DCC: variants seen among roughly 807,000 people sequenced by gnomAD.
The protein encoded by DCC is DCC netrin 1 receptor.
In DCC, 58 loss-of-function variants were observed where a neutral mutation model predicts 172.5. That is an observed-to-expected ratio of 0.34 (90% CI 0.27 to 0.42). The LOEUF is 0.42. Among genes scored for constraint, DCC ranks in the 10% least tolerant of loss-of-function variants. The probability of loss-of-function intolerance (pLI) is 1.00; values close to 1 mark genes in which losing one functional copy is unlikely to be tolerated. For missense variants in DCC, 1,740 were observed against 1,791.0 expected (o/e 0.97, Z 0.51); for synonymous variants, 709 against 644.5 (o/e 1.10, Z -1.52).
intron 1 of DCC, among the ~76,000 whole-genome samples, chr18:52,636,147 G>T (rs1446661277): frequency 6.6e-6 from 1 of 152,196 alleles, no homozygotes; most frequent in Non-Finnish European, 1.5e-5. Context: ...AATTAGGAGA[G>T]CCAAGGGAAA....
At chr18:52,975,599 C>T (rs2041104642) in intron 5 of DCC, among the ~76,000 whole-genome samples, 1 of 152,082 alleles carries the variant, frequency 6.6e-6, no homozygotes, top group African/African-American at 2.4e-5. Flanking sequence ...TTATAGGTGA[C>T]AACATGTGGT....
At chr18:53,148,324 G>A (rs34642579) in intron 7 of DCC, among the ~76,000 whole-genome samples, 2,735 of 152,308 alleles carry the variant, frequency 0.018, 50 homozygotes, top group East Asian at 0.11. Flanking sequence ...CATGAAGGGT[G>A]GGAGGGGAGC....
At position 53,205,483 on chromosome 18, in the gene DCC, C is replaced by T. The variant is rs73957103; in HGVS notation, c.1722+119C>T. ...AACTCTTGAAACAGCCCAGTGTTAA[C>T]ACATTCATTGAAAAGCTGATTAGTT... On this transcript the variant is annotated intron_variant, in intron 10 of 28. Transcript: ENST00000442544. 4,885 of 950,072 alleles carry T rather than the reference C, an allele frequency of 5.1e-3. 175 individuals are homozygous for T. The African/African-American group carries it at 0.07, about 14-fold the overall frequency. The allele number at this position is 950,072 out of a possible 1,614,324, so 58.9% of individuals were successfully genotyped here.
intron 2 of DCC, among the ~76,000 whole-genome samples, chr18:52,797,136 T>C (rs186982255): frequency 1.4e-3 from 211 of 152,306 alleles, no homozygotes; most frequent in African/African-American, 4.4e-3. Context: ...TATCTGTTTC[T>C]TTTTTGAATT....
intron 7 of DCC, among the ~76,000 whole-genome samples, chr18:53,150,314 T>C (rs2043979380): frequency 6.6e-6 from 1 of 152,222 alleles, no homozygotes; most frequent in South Asian, 2.1e-4. Context: ...AAGCAACCAC[T>C]GTACAGAGTT....
intron 9 of DCC, among the ~76,000 whole-genome samples, chr18:53,188,861 A>G (rs2055325638): frequency 6.6e-6 from 1 of 152,004 alleles, no homozygotes; most frequent in African/African-American, 2.4e-5. Context: ...CTCTGCCTGC[A>G]TCTCCACATG....
chr18:53,453,263 C>A (rs1211851357), intron 23 of DCC, among the ~76,000 whole-genome samples: 1 of 152,144 alleles, frequency 6.6e-6, no homozygotes, highest in Non-Finnish European at 1.5e-5. Context: ...ACCGCTACTC[C>A]TCTGCATCAC....
At chr18:52,820,239 A>G (rs992106279) in intron 2 of DCC, among the ~76,000 whole-genome samples, 3 of 152,182 alleles carry the variant, frequency 2.0e-5, no homozygotes, top group African/African-American at 7.2e-5. Context: ...GCCAAGTTCC[A>G]GGAATACATA....
intron 15 of DCC, among the ~76,000 whole-genome samples, chr18:53,375,616 CTTTT>C (rs1555660824): frequency 4.9e-5 from 6 of 123,074 alleles, no homozygotes; most frequent in Non-Finnish European, 6.5e-5. Flanking sequence ...ATATTTAATT[CTTTT>C]TTTTTTTTTT....
rs527375309 is a variant in DCC, at chr18:53,286,716, T to G, written c.1912-18862T>G. On this transcript the variant is annotated intron_variant, in intron 12 of 28. Transcript: ENST00000442544. The stretch of plus-strand genomic sequence containing the variant: ...CGCCATTGCTGTCTTCAAATATTTG[T>G]GAGTACCACGCTTACAGGGCATCAT... Among the ~76,000 whole-genome samples the G allele has an allele frequency of 4.9e-4, 74 of 152,272 alleles. 1 individual carries two copies. Among genetic ancestry groups the G allele is most frequent in the Non-Finnish European group, 8.1e-4 (55 of 68,032 alleles).
intron 2 of DCC, among the ~76,000 whole-genome samples, chr18:52,794,252 A>T (rs7232287): frequency 0.74 from 112,839 of 151,966 alleles, 42,662 homozygotes; most frequent in East Asian, 0.91. Flanking sequence ...TGGCATTGGG[A>T]AGGATGGCTA....
intron 7 of DCC, among the ~76,000 whole-genome samples, chr18:53,133,356 G>GA (rs1297517687): frequency 6.6e-6 from 1 of 152,134 alleles, no homozygotes; most frequent in Non-Finnish European, 1.5e-5. Context: ...GATTTTAATG[G>GA]AAAATCCAAG....
rs2057159961 is a variant in DCC at position 53,303,120 on chromosome 18, GA to G, written c.1912-2456del. ...TCTCCTCAGGGGTGTTGGAAATTGA[GA>G]ACCAAATCTCTAATTTGTTACCTTT... On this transcript the variant is annotated intron_variant, in intron 12 of 28. Transcript: ENST00000442544. Among the ~76,000 whole-genome samples the G allele has an allele frequency of 2.6e-5, 4 of 152,076 alleles. No individual in the cohort carries two copies. The South Asian group carries it at 8.3e-4, about 32-fold the overall frequency.
chr18:53,132,425 A>G (rs111991550), intron 7 of DCC, among the ~76,000 whole-genome samples: 1 of 152,060 alleles, frequency 6.6e-6, no homozygotes, highest in African/African-American at 2.4e-5. Context: ...TCATCTAGAA[A>G]GACATGGGGA....
chr18:52,737,389 TG>T (rs1331423028), intron 1 of DCC, among the ~76,000 whole-genome samples: 1 of 152,062 alleles, frequency 6.6e-6, no homozygotes, highest in African/African-American at 2.4e-5. Flanking sequence ...AACAGCAGAG[TG>T]GGCTAGACTG....
intron 1 of DCC, among the ~76,000 whole-genome samples, chr18:52,616,928 A>T (rs1048575219): frequency 5.3e-5 from 8 of 152,192 alleles, no homozygotes; most frequent in Non-Finnish European, 7.4e-5. Flanking sequence ...AATGAGATGC[A>T]TAAAGGTAAT....
chr18:52,681,002 A>G (rs1252917206), intron 1 of DCC, among the ~76,000 whole-genome samples: 1 of 152,116 alleles, frequency 6.6e-6, no homozygotes, highest in Non-Finnish European at 1.5e-5. Flanking sequence ...TTCCTTCTGA[A>G]ACTGTTAGTA....
At chr18:53,174,760 A>G (rs7505192) in intron 8 of DCC, among the ~76,000 whole-genome samples, 63,260 of 141,036 alleles carry the variant, frequency 0.45, 14,871 homozygotes, top group South Asian at 0.61. Flanking sequence ...AGGAGGAACT[A>G]GTACCATTCC....
intron 12 of DCC, among the ~76,000 whole-genome samples, chr18:53,264,236 C>A (rs1598962419): frequency 1.3e-5 from 2 of 152,150 alleles, no homozygotes; most frequent in African/African-American, 4.8e-5. Context: ...TGCCTGTAAT[C>A]CCAGCACTTT....
Sources: gnomAD v4.1 joint callset for allele counts (sites outside exome capture counted in the v4.1 genomes callset) on GRCh38, gnomAD v4.1.1 for gene constraint, MANE v1.5 for transcripts, NCBI Gene and HGNC (gene_info 2026-07-23, HGNC 2026-07-21) for gene names.